The following SLX4 variants were observed in gnomAD, a reference collection of about 807,000 sequenced individuals.
The protein encoded by SLX4 is SLX4 structure-specific endonuclease subunit.
Under a neutral mutation model 146.2 loss-of-function variants are expected in SLX4, and 112 were observed. The ratio of observed to expected loss-of-function variants is 0.77; its 90% CI spans 0.66 to 0.90. The LOEUF (loss-of-function observed/expected upper bound fraction) is 0.90, where lower values mean the gene tolerates loss of function less well. SLX4 is among the 40% of genes least tolerant of loss of function. The pLI is 0.00. For synonymous variants in SLX4, 1,061 were observed against 997.7 expected (o/e 1.06, Z -1.20); for missense variants, 2,563 against 2,392.7 (o/e 1.07, Z -1.49).
At chr16:3,596,914 C>T (rs933430829) in intron 7 of SLX4, among the ~76,000 whole-genome samples, 11 of 152,002 alleles carry the variant, frequency 7.2e-5, no homozygotes, top group African/African-American at 2.7e-4. Flanking sequence ...CTTCCGCCTC[C>T]CCGGTTCAAG....
chr16:3,582,187 G>A lies in SLX4; in HGVS notation c.*155C>T, dbSNP rs1217612601. 6.2e-6 allele frequency: 4 copies of A among 648,118 alleles called. No homozygotes were observed. Among genetic ancestry groups the A allele is most frequent in the South Asian group, 3.7e-5 (2 of 53,442 alleles). The allele number at this position is 648,118 out of a possible 1,614,324, so 40.1% of individuals were successfully genotyped here. A position where few individuals can be genotyped will look rare whatever the true frequency, so the allele number is the denominator to read the frequency against. ...CCCAGAGGAGGAAGCCCTGGATTGGGCTGTGGTCATCATCACAGCGCAGAG... is the reference window on the plus strand; with the variant it reads ...CCCAGAGGAGGAAGCCCTGGATTGGACTGTGGTCATCATCACAGCGCAGAG... On this transcript the variant is annotated 3_prime_UTR_variant, in exon 15 of 15. Coordinates refer to ENST00000294008, the MANE Select transcript of SLX4 (RefSeq NM_032444.4).
At chr16:3,610,988 ATC>A (rs1401327951) in intron 1 of SLX4, among the ~76,000 whole-genome samples, 2 of 150,988 alleles carry the variant, frequency 1.3e-5, no homozygotes, top group Non-Finnish European at 3.0e-5. Context: ...TGATCTCCGC[ATC>A]TCTGTTGATA....
intron 2 of SLX4, among the ~76,000 whole-genome samples, chr16:3,607,581 G>C (rs2040800909): frequency 6.6e-6 from 1 of 152,168 alleles, no homozygotes; most frequent in South Asian, 2.1e-4. Context: ...CTACTCGGGA[G>C]GCTGAGGCAG....
At chr16:3,587,096 G>A (rs1419396642) in intron 12 of SLX4, among the ~76,000 whole-genome samples, 1 of 152,172 alleles carries the variant, frequency 6.6e-6, no homozygotes, top group African/African-American at 2.4e-5. Context: ...ATTAGAGAGT[G>A]GGGACAATTG....
chr16:3,608,334 G>C, intron 2 of SLX4, 96 bp downstream of exon 2: 8 of 1,273,472 alleles, frequency 6.3e-6, no homozygotes, highest in Non-Finnish European at 6.9e-6. Flanking sequence ...TTGAGTAGTT[G>C]TGACAGAGTC....
intron 13 of SLX4, among the ~76,000 whole-genome samples, chr16:3,584,510 G>A (rs2040485097): frequency 6.6e-6 from 1 of 152,178 alleles, no homozygotes; most frequent in African/African-American, 2.4e-5. Flanking sequence ...GCTGCCCAGG[G>A]GTGACATGCA....
At chr16:3,585,137 C>T (rs572950463) in intron 12 of SLX4, among the ~76,000 whole-genome samples, 7 of 152,206 alleles carry the variant, frequency 4.6e-5, no homozygotes, top group Admixed American at 3.3e-4. Flanking sequence ...CCCAACAGCC[C>T]GGCACGTGAC....
Position 3,581,975 on chromosome 16 carries a change from G to A in SLX4, c.*367C>T, listed in dbSNP as rs555535779. ...GGAGAATTGCTTGAACCCGGGAGGC[G>A]GAGGTTGCAGTGAGCCGAGATTGTG... On this transcript the variant is annotated 3_prime_UTR_variant, in exon 15 of 15. Coordinates refer to ENST00000294008, the MANE Select transcript of SLX4 (RefSeq NM_032444.4). 109 of 287,920 alleles carry A rather than the reference G, an allele frequency of 3.8e-4. 1 individual carries two copies. The highest frequency in any genetic ancestry group is 2.1e-3 in the African/African-American group (100 of 46,718). The allele number at this position is 287,920 out of a possible 1,614,324, so 17.8% of individuals were successfully genotyped here. A position where few individuals can be genotyped will look rare whatever the true frequency, so the allele number is the denominator to read the frequency against.
rs988625732 is a variant in SLX4, at chr16:3,583,405, C to T, written c.4845G>A (p.Gln1615=). 1 of 1,613,508 alleles carries T rather than the reference C, an allele frequency of 6.2e-7. No individual in the cohort carries two copies. The change falls in exon 14 of 15, where the codon CAG becomes CAA. Residue 1615 remains glutamine (Q), a synonymous_variant. Transcript: ENST00000294008. The part of the protein sequence containing the change: ...TLDSDSEDES[Q]SSQPLLQAPH... ...GCGCCTGCAACAGCGGCTGTGAGGA[C>T]TGGCTCTCGTCCTCGGAGTCTGAGT...
chr16:3,594,633 C>T, intron 9 of SLX4, 34 bp from the exon 10 acceptor site: 2 of 1,613,524 alleles, frequency 1.2e-6, no homozygotes, highest in East Asian at 2.2e-5. Flanking sequence ...CCGTCACCTC[C>T]CCACCTCTGC....
intron 3 of SLX4, among the ~76,000 whole-genome samples, chr16:3,605,176 G>A (rs951129634): frequency 2.0e-5 from 3 of 151,396 alleles, no homozygotes; most frequent in African/African-American, 7.3e-5. Context: ...TGCAAGCTCT[G>A]TCTCCCAGGT....
At position 3,597,678 on chromosome 16, in the gene SLX4, T is replaced by C. The variant is rs1470193602; in HGVS notation, c.1384A>G (p.Lys462Glu). Residue 462 changes from lysine to glutamate, a missense_variant, in exon 7 of 15, where the codon AAG becomes GAG. By Grantham distance (56) the Lys-to-Glu change is moderately conservative. Coordinates refer to ENST00000294008, the MANE Select transcript of SLX4 (RefSeq NM_032444.4). This position sits in a 1 kb window ranked among gnomAD's most constrained non-coding sequence, Gnocchi z 4.4. ...RPEAENKSRK[K>E]KPPVSPPLLL... Reference sequence around the variant, plus strand: ...AATGGGGGGGATACCGGGGGTTTCTTCTTGCGACTTTTATTCTCTAGAGAG... The same window carrying C: ...AATGGGGGGGATACCGGGGGTTTCTCCTTGCGACTTTTATTCTCTAGAGAG... 1.9e-6 allele frequency: 3 copies of C among 1,613,750 alleles called. No individual in the cohort carries two copies. The highest frequency in any genetic ancestry group is 1.7e-6 in the Non-Finnish European group (2 of 1,179,986).
chr16:3,602,998 G>C (rs929603072), intron 3 of SLX4, among the ~76,000 whole-genome samples: 1 of 152,178 alleles, frequency 6.6e-6, no homozygotes, highest in African/African-American at 2.4e-5. Flanking sequence ...TGGCCTACCA[G>C]TGCCTGCCAC....
rs1567168731 is a variant in SLX4, at chr16:3,589,032, C to T, written c.4606G>A (p.Ala1536Thr). 1.9e-6 allele frequency: 3 copies of T among 1,614,054 alleles called. No homozygotes were observed. The highest frequency in any genetic ancestry group is 2.2e-5 in the East Asian group (1 of 44,898). Residue 1536 changes from alanine to threonine, a missense_variant, in exon 12 of 15, where the codon GCT becomes ACT. Transcript: ENST00000294008. This position sits in a 1 kb window ranked among gnomAD's most constrained non-coding sequence, Gnocchi z 6.2. ...PPAQMPSAGGAQKPEGLETPK... is the reference protein window; with the variant it reads ...PPAQMPSAGGTQKPEGLETPK... ...GTCTCTAACCCTTCGGGCTTCTGAG[C>T]TCCACCAGCGCTTGGCATCTGGGCC...
chr16:3,603,369 G>A (rs1456196029), intron 3 of SLX4, among the ~76,000 whole-genome samples: 3 of 152,232 alleles, frequency 2.0e-5, no homozygotes, highest in African/African-American at 7.2e-5. Context: ...ACAAACAAAT[G>A]GTTTATCTCT....
chr16:3,598,043 G>T (rs1049888794), intron 5 of SLX4, 44 bp from the exon 6 acceptor site: 15 of 1,610,082 alleles, frequency 9.3e-6, no homozygotes, highest in Non-Finnish European at 1.2e-5. Flanking sequence ...CTAGAGGAGT[G>T]CACGCTTCTC....
At chr16:3,595,774 T>C in intron 8 of SLX4, 81 bp from the exon 9 acceptor site, 1 of 1,527,772 alleles carries the variant, frequency 6.5e-7, no homozygotes, top group Non-Finnish European at 9.0e-7. Context: ...GACCACAGGC[T>C]GAGCCAGCCC....
At chr16:3,594,724 T>C in intron 9 of SLX4, 125 bp from the exon 10 acceptor site, 1 of 1,318,608 alleles carries the variant, frequency 7.6e-7, no homozygotes, top group South Asian at 1.2e-5. Context: ...CATTCTCCTT[T>C]CCTCTCCAAA....
chr16:3,599,535 A>T (rs975514940), intron 5 of SLX4, among the ~76,000 whole-genome samples: 1 of 152,258 alleles, frequency 6.6e-6, no homozygotes, highest in Non-Finnish European at 1.5e-5. Context: ...TAATTCATGC[A>T]AGATTTTTAA....
Sources: allele counts gnomAD v4.1 joint callset (sites outside exome capture counted in the v4.1 genomes callset), GRCh38; gene constraint gnomAD v4.1.1; non-coding constraint Gnocchi (gnomAD v3.1); transcripts MANE v1.5; gene names NCBI Gene and HGNC (gene_info 2026-07-23, HGNC 2026-07-21).